TUBAL3: variants seen among roughly 807,000 people sequenced by gnomAD.
TUBAL3 encodes the protein tubulin alpha like 3, also known as tubulin alpha chain-like 3.
Under a neutral mutation model 15.5 loss-of-function variants are expected in TUBAL3, and 16 were observed. The ratio of observed to expected loss-of-function variants is 1.04; its 90% confidence interval spans 0.70 to 1.57. The LOEUF (loss-of-function observed/expected upper bound fraction) is 1.57. Among genes scored for constraint, TUBAL3 ranks in the 40% most tolerant of loss-of-function variants. TUBAL3 has a pLI of 0.00. For synonymous variants in TUBAL3, 238 were observed against 224.3 expected (o/e 1.06, Z -0.55); for missense variants, 609 against 576.2 (o/e 1.06, Z -0.58).
chr10:5,394,372 C>T lies in TUBAL3; in HGVS notation c.486G>A (p.Glu162=). The T allele has an allele frequency of 6.2e-7, 1 of 1,614,156 alleles. No homozygotes were observed. The highest frequency in any genetic ancestry group is 8.5e-7 in the Non-Finnish European group (1 of 1,180,036). ...TGSGFTSLLM[E]RLTGEYSRKT... ...TTCTGCTATATTCTCCTGTGAGCCTCTCCATTAAGAGAGACGTAAACCCTG... is the reference window on the plus strand; with the variant it reads ...TTCTGCTATATTCTCCTGTGAGCCTTTCCATTAAGAGAGACGTAAACCCTG... The change falls in exon 4 of 4, where the codon GAG becomes GAA. Residue 162 remains glutamate (E), a synonymous_variant. Coordinates refer to ENST00000380419, the MANE Select transcript of TUBAL3 (RefSeq NM_024803.3). The surrounding 1 kb of genome is among the most constrained non-coding windows in gnomAD (Gnocchi z 4.3).
intron 1 of TUBAL3, among the ~76,000 whole-genome samples, chr10:5,403,515 T>A (rs1450405989): frequency 6.7e-6 from 1 of 150,054 alleles, no homozygotes. Context: ...TTGTTCATAA[T>A]AGTCACAGTA....
intron 1 of TUBAL3, among the ~76,000 whole-genome samples, chr10:5,401,975 C>T (rs1330497802): frequency 2.6e-5 from 4 of 151,626 alleles, no homozygotes; most frequent in African/African-American, 7.3e-5. Flanking sequence ...AACCCTTAAA[C>T]GTTTTCCCAA....
chr10:5,403,541 A>AC (rs1831886900), intron 1 of TUBAL3, among the ~76,000 whole-genome samples: 1 of 77,392 alleles, frequency 1.3e-5, no homozygotes, highest in African/African-American at 6.2e-5. Context: ...AATCACTAAC[A>AC]TTAAAAAAAA....
chr10:5,394,324 G>A lies in TUBAL3; in HGVS notation c.534C>T (p.Val178=). ...CAGTGGAGATCCTGGGGGCTGGGTA[G>A]ACCGAGAACTCCAGCTTAGTCTTTC... The part of the protein sequence containing the change: ...YSRKTKLEFS[V]YPAPRISTAV... Residue 178 remains valine (V), a synonymous_variant, in exon 4 of 4, where the codon GTC becomes GTT. Transcript: ENST00000380419. This position sits in a 1 kb window ranked among gnomAD's most constrained non-coding sequence, Gnocchi z 4.3. The A allele has an allele frequency of 6.2e-7, 1 of 1,614,136 alleles. No individual in the cohort carries two copies. Among genetic ancestry groups the A allele is most frequent in the Admixed American group, 1.7e-5 (1 of 60,018 alleles).
intron 2 of TUBAL3, among the ~76,000 whole-genome samples, chr10:5,400,034 C>G (rs964523831): frequency 6.6e-6 from 1 of 152,238 alleles, no homozygotes; most frequent in Non-Finnish European, 1.5e-5. Flanking sequence ...AGAGCCCCTT[C>G]TCTCTCCTTT....
intron 2 of TUBAL3, among the ~76,000 whole-genome samples, chr10:5,399,951 G>A (rs1009277193): frequency 3.9e-5 from 6 of 152,060 alleles, no homozygotes; most frequent in African/African-American, 9.7e-5. Context: ...TTTATTACAC[G>A]CCAACAAATA....
rs569539101 is a variant in TUBAL3, at chr10:5,394,843, A to T, written c.397-382T>A. On this transcript the variant is annotated intron_variant, in intron 3 of 3. Transcript: ENST00000380419. The surrounding 1 kb of genome is among the most constrained non-coding windows in gnomAD (Gnocchi z 4.3). ...GGCATGCTGGTGTAAAAGGTGTTGT[A>T]GTAGCTAACAAATATGACAAACACC... Among the ~76,000 whole-genome samples the T allele has an allele frequency of 6.6e-6, 1 of 152,324 alleles. No homozygotes were observed. The highest frequency in any genetic ancestry group is 6.5e-5 in the Admixed American group (1 of 15,300).
Position 5,394,899 on chromosome 10 carries a change from C to T in TUBAL3, c.396+428G>A, listed in dbSNP as rs1021295092. On this transcript the variant is annotated intron_variant, in intron 3 of 3. Coordinates refer to ENST00000380419, the MANE Select transcript of TUBAL3 (RefSeq NM_024803.3). This position sits in a 1 kb window ranked among gnomAD's most constrained non-coding sequence, Gnocchi z 4.3. ...TCTTACTTAGCAAAGGGTCTCCAGA[C>T]TCAGGCCCCTAAAGAGGAATTAATT... Among the ~76,000 whole-genome samples the T allele has an allele frequency of 3.3e-5, 5 of 152,280 alleles. No homozygotes were observed. The East Asian group carries it at 9.6e-4, about 29-fold the overall frequency.
Position 5,393,540 on chromosome 10 carries a change from C to T in TUBAL3, c.1318G>A (p.Glu440Lys), listed in dbSNP as rs1035889424. 2.5e-6 allele frequency: 4 copies of T among 1,610,752 alleles called. No homozygotes were observed. The highest frequency in any genetic ancestry group is 1.7e-6 in the Non-Finnish European group (2 of 1,178,432). Residue 440 changes from glutamate (E) to lysine (K), a missense_variant, in exon 4 of 4, where the codon GAG (glutamate) becomes AAG (lysine). Physicochemically the swap from Glu to Lys is moderately conservative, Grantham distance 56. Coordinates refer to ENST00000380419, the MANE Select transcript of TUBAL3 (RefSeq NM_024803.3). ...CCTCAGAAACTTTGCGCCACTTCCT[C>T]ATAGTCCCTCTCCAGGGCTGCCAGA... ...EDLAALERDY[E>K]EVAQSF
In TUBAL3 at chr10:5,396,858, T is replaced by A. The variant is rs561890082; in HGVS notation, c.248-1383A>T. Among the ~76,000 whole-genome samples, 1 of 152,362 alleles carries A rather than the reference T, an allele frequency of 6.6e-6. No homozygotes were observed. The highest frequency in any genetic ancestry group is 2.4e-5 in the African/African-American group (1 of 41,578). ...GGCTGCCCTGGTTACTGTGGGATAC[T>A]GCATTGCTTAGTAGTTAAATGCATG... On this transcript the variant is annotated intron_variant, in intron 2 of 3. Transcript: ENST00000380419. This position sits in a 1 kb window ranked among gnomAD's most constrained non-coding sequence, Gnocchi z 5.1.
Position 5,393,516 on chromosome 10 carries a change from C to T in TUBAL3, c.*1G>A. Reference sequence around the variant, plus strand: ...ATTCATTTGCACCCATCATACATGCCTCAGAAACTTTGCGCCACTTCCTCA... The same window carrying T: ...ATTCATTTGCACCCATCATACATGCTTCAGAAACTTTGCGCCACTTCCTCA... On this transcript the variant is annotated 3_prime_UTR_variant, in exon 4 of 4. Transcript: ENST00000380419. 3 of 1,596,832 alleles carry T rather than the reference C, an allele frequency of 1.9e-6. No homozygotes were observed. Among genetic ancestry groups the T allele is most frequent in the Admixed American group, 1.7e-5 (1 of 58,112 alleles).
rs543806971 is a variant in TUBAL3, at chr10:5,393,618, A to T, written c.1240T>A (p.Trp414Arg). 6.2e-7 allele frequency: 1 copy of T among 1,614,180 alleles called. No individual in the cohort carries two copies. Among genetic ancestry groups the T allele is most frequent in the South Asian group, 1.1e-5 (1 of 91,084 alleles). The change falls in exon 4 of 4, where the codon TGG becomes AGG. Residue 414 changes from tryptophan (W) to arginine (R), a missense_variant. Coordinates refer to ENST00000380419, the MANE Select transcript of TUBAL3 (RefSeq NM_024803.3). ...LMYAKRAFLH[W>R]YLREGMEEAE... The stretch of plus-strand genomic sequence containing the variant: ...TCTTCCATGCCTTCTCTGAGGTACC[A>T]GTGCAGAAATGCTCTCTTGGCGTAC...
At chr10:5,404,642 T>C in intron 1 of TUBAL3, 148 bp downstream of exon 1, 1 of 787,766 alleles carries the variant, frequency 1.3e-6, no homozygotes, top group Non-Finnish European at 2.1e-6. Flanking sequence ...TCCCAACTCA[T>C]CTACTTGGAC....
In TUBAL3 at chr10:5,393,833, G is replaced by C; in HGVS notation, c.1025C>G (p.Thr342Arg). The change falls in exon 4 of 4, where the codon ACG becomes AGG. Residue 342 changes from threonine to arginine, a missense_variant. Transcript: ENST00000380419. ...AAACTGAACAGAGTGCCTCGACTTCGTGGCTGCGATTGCTGCATTCACTTC... is the reference window on the plus strand; with the variant it reads ...AAACTGAACAGAGTGCCTCGACTTCCTGGCTGCGATTGCTGCATTCACTTC... ...PKEVNAAIAA[T>R]KSRHSVQFVD... is the part of the protein sequence containing the mutation. 2 of 1,614,190 alleles carry C rather than the reference G, an allele frequency of 1.2e-6. No homozygotes were observed. The highest frequency in any genetic ancestry group is 1.7e-6 in the Non-Finnish European group (2 of 1,180,038).
At chr10:5,399,251 A>G (rs1554814426) in intron 2 of TUBAL3, among the ~76,000 whole-genome samples, 1 of 152,224 alleles carries the variant, frequency 6.6e-6, no homozygotes, top group Non-Finnish European at 1.5e-5. Flanking sequence ...GCTGCTGTGG[A>G]CTAAATGGCT....
Sources: gnomAD v4.1 joint callset for allele counts (sites outside exome capture counted in the v4.1 genomes callset) on GRCh38, gnomAD v4.1.1 for gene constraint, Gnocchi (gnomAD v3.1) non-coding constraint, MANE v1.5 for transcripts, NCBI Gene and HGNC (gene_info 2026-07-23, HGNC 2026-07-21) for gene names.